The following CADM2 variants were observed in gnomAD, a reference collection of about 807,000 sequenced individuals.
CADM2 encodes the protein immunoglobulin superfamily member 4D.
In CADM2, 12 loss-of-function variants were observed where a neutral mutation model predicts 49.8. That is an observed-to-expected ratio of 0.24 (90% CI 0.15 to 0.39). The LOEUF (loss-of-function observed/expected upper bound fraction) is 0.39, where lower values mean the gene tolerates loss of function less well. Among genes scored for constraint, CADM2 ranks in the 10% least tolerant of loss-of-function variants. The probability of loss-of-function intolerance (pLI) is 1.00; values close to 1 mark genes in which losing one functional copy is unlikely to be tolerated. For missense variants in CADM2, 378 were observed against 492.3 expected, an observed-to-expected ratio of 0.77 and a Z score of 2.20; for synonymous variants, 214 against 175.4, an observed-to-expected ratio of 1.22 and a Z score of -1.74.
At chr3:85,855,843 G>T (rs926819838) in intron 3 of CADM2, among the ~76,000 whole-genome samples, 9 of 151,728 alleles carry the variant, frequency 5.9e-5, no homozygotes. Context: ...AGCCAGGATG[G>T]TCTCGATCTC....
chr3:85,208,934 C>T (rs2041713884), intron 1 of CADM2, among the ~76,000 whole-genome samples: 1 of 152,054 alleles, frequency 6.6e-6, no homozygotes, highest in Non-Finnish European at 1.5e-5. Context: ...ATCTTAACAC[C>T]TCCTAAACCT....
intron 1 of CADM2, among the ~76,000 whole-genome samples, chr3:85,466,874 A>C (rs1175482692): frequency 6.6e-6 from 1 of 152,124 alleles, no homozygotes; most frequent in Non-Finnish European, 1.5e-5. Flanking sequence ...AGAAAGAGAA[A>C]TTGCTTTTAC....
intron 1 of CADM2, among the ~76,000 whole-genome samples, chr3:85,042,602 G>A (rs1014161498): frequency 1.3e-5 from 2 of 151,972 alleles, no homozygotes; most frequent in African/African-American, 4.8e-5. Context: ...AATTTCAAAG[G>A]AACAATTTAT....
intron 1 of CADM2, among the ~76,000 whole-genome samples, chr3:85,398,795 A>T (rs1214747946): frequency 6.6e-6 from 1 of 152,190 alleles, no homozygotes; most frequent in African/African-American, 2.4e-5. Flanking sequence ...TTGGCTGCAT[A>T]AATGTCTCCT....
intron 1 of CADM2, among the ~76,000 whole-genome samples, chr3:85,007,774 G>T (rs1275621270): frequency 6.6e-6 from 1 of 152,146 alleles, no homozygotes; most frequent in Non-Finnish European, 1.5e-5. Flanking sequence ...TTCTGTTATT[G>T]CCTCATACAG....
intron 2 of CADM2, among the ~76,000 whole-genome samples, chr3:85,784,352 A>AT (rs2070840495): frequency 1.3e-5 from 2 of 152,104 alleles, no homozygotes; most frequent in African/African-American, 2.4e-5. Flanking sequence ...AATAAGGCTA[A>AT]TTTTTTATTA....
At chr3:85,469,434 G>A (rs952404875) in intron 1 of CADM2, among the ~76,000 whole-genome samples, 4 of 152,066 alleles carry the variant, frequency 2.6e-5, no homozygotes, top group East Asian at 1.9e-4. Context: ...GGACAGACAC[G>A]CCATGCAGGA....
intron 1 of CADM2, among the ~76,000 whole-genome samples, chr3:85,541,103 A>T (rs58796643): frequency 0.51 from 76,539 of 150,356 alleles, 22,489 homozygotes; most frequent in East Asian, 0.85. Flanking sequence ...ATTATAATAA[A>T]ATATAATCTA....
intron 1 of CADM2, chr3:84,960,089 CT>C: frequency 4.5e-6 from 1 of 220,850 alleles, no homozygotes; most frequent in Non-Finnish European, 8.9e-6. Flanking sequence ...TAACCTCCCC[CT>C]TTTCAGGTCG....
At chr3:86,013,113 G>A in intron 8 of CADM2, 2 of 1,350,244 alleles carry the variant, frequency 1.5e-6, no homozygotes, top group Non-Finnish European at 2.1e-6. Flanking sequence ...TGATCTTACA[G>A]TCATTTGAAC....
intron 1 of CADM2, among the ~76,000 whole-genome samples, chr3:85,016,954 T>C (rs902531150): frequency 6.6e-6 from 1 of 152,092 alleles, no homozygotes; most frequent in African/African-American, 2.4e-5. Flanking sequence ...CATCAAGGAA[T>C]GTCTAGATTG....
In CADM2 at chr3:85,348,122, A is replaced by C. The variant is rs147583483; in HGVS notation, c.62-378400A>C. On this transcript the variant is annotated intron_variant, in intron 1 of 9. Transcript: ENST00000383699. ...CTTTTATTTTATCCTACATCCTACT[A>C]TCTCCTCCCAGTGTATCATGTTGTC... Among the ~76,000 whole-genome samples the C allele has an allele frequency of 6.8e-3, 1,035 of 152,066 alleles. 8 individuals are homozygous for C. The highest frequency in any genetic ancestry group is 0.015 in the South Asian group (71 of 4,830).
In CADM2 at chr3:85,923,470, A is replaced by T. The variant is rs1403034071; in HGVS notation, c.700+10927A>T. On this transcript the variant is annotated intron_variant, in intron 6 of 9. Transcript: ENST00000383699. ...TAATAATTTTGGGGTGTCTTTATTA[A>T]TTTCCTTCTTTTGCCATTATAGGCA... Among the ~76,000 whole-genome samples the T allele has an allele frequency of 3.3e-5, 5 of 150,094 alleles. No individual in the cohort carries two copies. The Admixed American group carries it at 3.3e-4, about 10-fold the overall frequency.
At chr3:85,892,887 G>T (rs1020813896) in intron 5 of CADM2, among the ~76,000 whole-genome samples, 1 of 152,166 alleles carries the variant, frequency 6.6e-6, no homozygotes, top group Non-Finnish European at 1.5e-5. Flanking sequence ...GACTTGGAGG[G>T]CTCAGAAAGC....
At chr3:85,706,078 T>G (rs886415617) in intron 1 of CADM2, among the ~76,000 whole-genome samples, 16 of 152,252 alleles carry the variant, frequency 1.1e-4, no homozygotes, top group Admixed American at 5.9e-4. Context: ...TTATTTTCCT[T>G]AGTAAATCTA....
intron 2 of CADM2, among the ~76,000 whole-genome samples, chr3:85,740,658 A>C (rs2068342984): frequency 1.3e-5 from 2 of 152,068 alleles, no homozygotes; most frequent in Admixed American, 6.6e-5. Context: ...TGCAGGTTTT[A>C]AAATTATGTA....
chr3:85,114,075 T>C (rs1361381413), intron 1 of CADM2, among the ~76,000 whole-genome samples: 1 of 152,114 alleles, frequency 6.6e-6, no homozygotes, highest in Non-Finnish European at 1.5e-5. Context: ...ATAGGATCCA[T>C]AATTAGTCTC....
Position 86,068,356 on chromosome 3 carries a change from T to C in CADM2, c.*1573T>C, listed in dbSNP as rs1739548709. On this transcript the variant is annotated 3_prime_UTR_variant, in exon 10 of 10. Coordinates refer to ENST00000383699, the MANE Select transcript of CADM2 (RefSeq NM_001167675.2). ...AGATTAGTTCTCATTAAATTTATTA[T>C]ATGCTAAAGAATAAAACTCCAGTTA... 1 of 152,000 alleles carries C rather than the reference T, an allele frequency of 6.6e-6. No individual in the cohort carries two copies. Among genetic ancestry groups the C allele is most frequent in the African/African-American group, 2.4e-5 (1 of 41,452 alleles). The allele number at this position is 152,000 out of a possible 1,614,324, so 9.4% of individuals were successfully genotyped here.
intron 1 of CADM2, among the ~76,000 whole-genome samples, chr3:85,612,874 A>C (rs1377172366): frequency 1.3e-5 from 2 of 151,820 alleles, no homozygotes; most frequent in Non-Finnish European, 3.0e-5. Context: ...TTACCATAAA[A>C]TAACTGACTT....
Sources: gnomAD v4.1 joint callset for allele counts (sites outside exome capture counted in the v4.1 genomes callset) on GRCh38, gnomAD v4.1.1 for gene constraint, MANE v1.5 for transcripts, NCBI Gene and HGNC (gene_info 2026-07-23, HGNC 2026-07-21) for gene names.